Variants in ZNF197 observed in about 807,000 individuals in gnomAD.
ZNF197 encodes the protein zinc finger protein 197.
In ZNF197, 14 loss-of-function variants were observed where a neutral mutation model predicts 27.4. That is an observed-to-expected ratio of 0.51 (90% CI 0.34 to 0.80). ZNF197 has a LOEUF of 0.80. Ranked by LOEUF, ZNF197 falls within the 30% of genes least tolerant of loss-of-function variation. ZNF197 has a pLI of 0.02. For missense variants in ZNF197, 1,090 were observed against 1,222.6 expected (o/e 0.89, Z 1.62); for synonymous variants, 415 against 420.0 (o/e 0.99, Z 0.15).
intron 3 of ZNF197, 93 bp downstream of exon 3, chr3:44,631,314 T>C: frequency 6.8e-7 from 1 of 1,480,142 alleles, no homozygotes; most frequent in African/African-American, 1.4e-5. Flanking sequence ...TCTGCTACCC[T>C]GTCTAGGAGT....
chr3:44,630,371 T>A (rs1701914154), intron 2 of ZNF197, among the ~76,000 whole-genome samples: 1 of 152,230 alleles, frequency 6.6e-6, no homozygotes, highest in Non-Finnish European at 1.5e-5. Flanking sequence ...CCTTGACCAT[T>A]AGATTGGGAT....
chr3:44,645,778 A>T lies in ZNF197; in HGVS notation c.*1558A>T. On this transcript the variant is annotated 3_prime_UTR_variant, in exon 6 of 6. Transcript: ENST00000344387. ...ATTTACTGGGACATAAATTTTTCAC[A>T]TGGAGCCAAGCTCTTCACTGATTAA... 2 of 985,452 alleles carry T rather than the reference A, an allele frequency of 2.0e-6. No individual in the cohort carries two copies. Among genetic ancestry groups the T allele is most frequent in the Non-Finnish European group, 2.4e-6 (2 of 829,928 alleles). 61.0% of individuals were successfully genotyped at this position (985,452 alleles called of 1,614,324 possible). A position where few individuals can be genotyped will look rare whatever the true frequency, so the allele number is the denominator to read the frequency against.
chr3:44,637,677 T>C (rs1334916693), intron 5 of ZNF197, among the ~76,000 whole-genome samples: 1 of 152,176 alleles, frequency 6.6e-6, no homozygotes, highest in Non-Finnish European at 1.5e-5. Flanking sequence ...TTCTTTTGCA[T>C]GTGGCACCAT....
rs1482368349 is a variant in ZNF197 at position 44,642,579 on chromosome 3, G to A, written c.1449G>A (p.Lys483=). The change falls in exon 6 of 6, where the codon AAG becomes AAA. Residue 483 remains lysine, a synonymous_variant. Coordinates refer to ENST00000344387, the MANE Select transcript of ZNF197 (RefSeq NM_006991.5). ...LRRHSGERPY[K]CNECGKVFSQ... ...GCCATTCAGGGGAGAGACCTTATAAGTGTAATGAATGTGGGAAAGTCTTCT... is the reference window on the plus strand; with the variant it reads ...GCCATTCAGGGGAGAGACCTTATAAATGTAATGAATGTGGGAAAGTCTTCT... 3 of 1,613,932 alleles carry A rather than the reference G, an allele frequency of 1.9e-6. No individual in the cohort carries two copies. Among genetic ancestry groups the A allele is most frequent in the Admixed American group, 3.3e-5 (2 of 59,998 alleles).
At position 44,629,200 on chromosome 3, in the gene ZNF197, C is replaced by CT. The variant is rs1478818175; in HGVS notation, c.48dup (p.Val17CysfsTer6). ...CCACAATGCTCTGAGACAAGAGGGC[C>CT]TTGTGAAGGGGAAGGATGATACCTG... On this transcript the variant is annotated frameshift_variant, in exon 2 of 6. Coordinates refer to ENST00000344387, the MANE Select transcript of ZNF197 (RefSeq NM_006991.5). LOFTEE classifies it high-confidence loss of function. 1.2e-6 allele frequency: 2 copies of CT among 1,613,786 alleles called. No homozygotes were observed. Among genetic ancestry groups the CT allele is most frequent in the African/African-American group, 1.3e-5 (1 of 74,900 alleles).
intron 1 of ZNF197, among the ~76,000 whole-genome samples, chr3:44,625,435 G>T (rs1009562287): frequency 2.0e-5 from 3 of 152,262 alleles, no homozygotes; most frequent in East Asian, 3.9e-4. Context: ...TCAGTAGCCT[G>T]CTCCCCCAGC....
In ZNF197 at chr3:44,641,978, C is replaced by T. The variant is rs774358047; in HGVS notation, c.848C>T (p.Thr283Ile). 1.9e-6 allele frequency: 3 copies of T among 1,613,306 alleles called. No individual in the cohort carries two copies. The highest frequency in any genetic ancestry group is 1.7e-6 in the Non-Finnish European group (2 of 1,179,550). ...SSQRADSHKG[T>I]SKRLQGSVPQ... ...CAAAGAGCAGACTCTCATAAAGGAA[C>T]ATCAAAAAGACTTCAAGGAAGTGTT... The change falls in exon 6 of 6, where the codon ACA (threonine) becomes ATA (isoleucine). Residue 283 changes from threonine (T) to isoleucine (I), a missense_variant. Physicochemically the swap from Thr to Ile is moderately conservative, Grantham distance 89 (BLOSUM62 -1). Transcript: ENST00000344387.
intron 5 of ZNF197, 140 bp from the exon 6 acceptor site, chr3:44,641,760 C>G: frequency 1.0e-6 from 1 of 970,242 alleles, no homozygotes; most frequent in South Asian, 2.0e-5. Context: ...ATTCTTTGTA[C>G]CTTCCTTTAA....
rs1003110706 is a variant in ZNF197, at chr3:44,629,332, C to G, written c.178C>G (p.Leu60Val). 1.2e-6 allele frequency: 2 copies of G among 1,614,174 alleles called. No individual in the cohort carries two copies. Among genetic ancestry groups the G allele is most frequent in the Non-Finnish European group, 1.7e-6 (2 of 1,180,028 alleles). Residue 60 changes from leucine to valine, a missense_variant, in exon 2 of 6, where the codon CTG becomes GTG. Physicochemically the swap from Leu to Val is conservative, Grantham distance 32 (BLOSUM62 1). Coordinates refer to ENST00000344387, the MANE Select transcript of ZNF197 (RefSeq NM_006991.5). The stretch of plus-strand genomic sequence containing the variant: ...TGAGACATCTGGACCCCAGGAAGCC[C>G]TGAGCCGGCTCAGGGAACTCTGTCG... Reference protein sequence around the residue: ...YHETSGPQEALSRLRELCRRW... With the variant: ...YHETSGPQEAVSRLRELCRRW...
chr3:44,643,053 G>A lies in ZNF197; in HGVS notation c.1923G>A (p.Gln641=), dbSNP rs147924427. The A allele has an allele frequency of 1.1e-5, 18 of 1,613,820 alleles. No individual in the cohort carries two copies. The East Asian group carries it at 4.0e-4, about 36-fold the overall frequency. The part of the protein sequence containing the change: ...FTQSAYLFDH[Q]RLHNGEKPYE... ...AAAGTGCTTACCTTTTTGACCACCA[G>A]AGACTCCACAATGGGGAGAAGCCCT... Residue 641 remains glutamine (Q), a synonymous_variant, in exon 6 of 6, where the codon CAG becomes CAA. Coordinates refer to ENST00000344387, the MANE Select transcript of ZNF197 (RefSeq NM_006991.5).
rs887763204 is a variant in ZNF197, at chr3:44,629,602, G to C, written c.390+58G>C. ...GGATGAAAGGAAGGAAAGAATTGAG[G>C]CTAGGCTAGAGGGTGATCCTGTGAT... On this transcript the variant is annotated intron_variant, in intron 2 of 5. Coordinates refer to ENST00000344387, the MANE Select transcript of ZNF197 (RefSeq NM_006991.5). 4 of 1,501,824 alleles carry C rather than the reference G, an allele frequency of 2.7e-6. No homozygotes were observed. The East Asian group carries it at 9.2e-5, about 35-fold the overall frequency. The allele number at this position is 1,501,824 out of a possible 1,614,324, so 93.0% of individuals were successfully genotyped here. A position where few individuals can be genotyped will look rare whatever the true frequency, so the allele number is the denominator to read the frequency against.
intron 2 of ZNF197, among the ~76,000 whole-genome samples, chr3:44,630,119 A>T (rs1010093440): frequency 2.0e-5 from 3 of 152,192 alleles, no homozygotes; most frequent in African/African-American, 4.8e-5. Flanking sequence ...TAGAAGGCTG[A>T]GGTGGGAGGA....
chr3:44,631,407 CT>C (rs777286759), intron 3 of ZNF197, among the ~76,000 whole-genome samples, 186 bp downstream of exon 3: 76 of 147,034 alleles, frequency 5.2e-4, no homozygotes, highest in Admixed American at 1.1e-3. Flanking sequence ...TACATCCCCC[CT>C]TTTTTTTTTT....
rs374254325 is a variant in ZNF197 at position 44,643,276 on chromosome 3, A to C, written c.2146A>C (p.Ile716Leu). 7 of 1,614,014 alleles carry C rather than the reference A, an allele frequency of 4.3e-6. No homozygotes were observed. Among genetic ancestry groups the C allele is most frequent in the Non-Finnish European group, 5.9e-6 (7 of 1,180,020 alleles). Residue 716 changes from isoleucine to leucine, a missense_variant, in exon 6 of 6, where the codon ATT (isoleucine) becomes CTT (leucine). Coordinates refer to ENST00000344387, the MANE Select transcript of ZNF197 (RefSeq NM_006991.5). Reference protein sequence around the residue: ...YECRECGKTFIMSKSFMVHQK... With the variant: ...YECRECGKTFLMSKSFMVHQK... ...ATGTCGAGAGTGTGGGAAAACCTTT[A>C]TTATGAGCAAAAGTTTTATGGTCCA...
intron 3 of ZNF197, 152 bp from the exon 4 acceptor site, chr3:44,631,953 G>A (rs1386969994): frequency 1.7e-5 from 12 of 698,364 alleles, no homozygotes; most frequent in South Asian, 1.2e-4. Context: ...CACCCACCTC[G>A]GCTTCCCAAA....
At chr3:44,638,759 T>C (rs1275486133) in intron 5 of ZNF197, among the ~76,000 whole-genome samples, 2 of 152,238 alleles carry the variant, frequency 1.3e-5, no homozygotes, top group Non-Finnish European at 2.9e-5. Flanking sequence ...AGTGGCGTGA[T>C]CACGGCTCAC....
rs1701856838 is a variant in ZNF197 at position 44,629,443 on chromosome 3, G to A, written c.289G>A (p.Glu97Lys). Reference sequence around the variant, plus strand: ...GCAGTTTCTGAGCATCCTGCCTGGGGAGATTCGGACCTGGGTACAGCTCCA... The same window carrying A: ...GCAGTTTCTGAGCATCCTGCCTGGGAAGATTCGGACCTGGGTACAGCTCCA... ...LEQFLSILPG[E>K]IRTWVQLHHP... is the part of the protein sequence containing the mutation. Residue 97 changes from glutamate to lysine, a missense_variant, in exon 2 of 6, where the codon GAG (glutamate) becomes AAG (lysine). Coordinates refer to ENST00000344387, the MANE Select transcript of ZNF197 (RefSeq NM_006991.5). The A allele has an allele frequency of 1.2e-6, 2 of 1,614,114 alleles. No individual in the cohort carries two copies. The highest frequency in any genetic ancestry group is 1.7e-6 in the Non-Finnish European group (2 of 1,179,982).
In ZNF197 at chr3:44,646,406, C is replaced by T. The variant is rs1463094472; in HGVS notation, c.*2186C>T. The stretch of plus-strand genomic sequence containing the variant: ...TCACATTGCTTAGATTGAGACAGCC[C>T]ACATAATGTGCCACCTTCTGTGATG... On this transcript the variant is annotated 3_prime_UTR_variant, in exon 6 of 6. Coordinates refer to ENST00000344387, the MANE Select transcript of ZNF197 (RefSeq NM_006991.5). The T allele has an allele frequency of 1.9e-6, 3 of 1,603,908 alleles. No homozygotes were observed. Among genetic ancestry groups the T allele is most frequent in the Non-Finnish European group, 2.6e-6 (3 of 1,175,288 alleles).
At chr3:44,632,262 A>G (rs1702056980) in intron 4 of ZNF197, 66 bp downstream of exon 4, 39 of 1,574,566 alleles carry the variant, frequency 2.5e-5, no homozygotes, top group Non-Finnish European at 3.2e-5. Context: ...GCCCTCTCTC[A>G]TCCTTGTGCT....
Sources: allele counts gnomAD v4.1 joint callset (sites outside exome capture counted in the v4.1 genomes callset), GRCh38; gene constraint gnomAD v4.1.1; transcripts MANE v1.5; gene names NCBI Gene and HGNC (gene_info 2026-07-23, HGNC 2026-07-21).